The following SLC8A1 variants were observed in gnomAD, a reference collection of about 807,000 sequenced individuals.
The protein encoded by SLC8A1 is solute carrier family 8 member A1, also known as sodium/calcium exchanger 1.
A neutral mutation model predicts 68.3 loss-of-function variants in SLC8A1; 18 were observed. That is an observed-to-expected ratio of 0.26 (90% CI 0.18 to 0.39). The LOEUF (loss-of-function observed/expected upper bound fraction) is 0.39, where lower values mean the gene tolerates loss of function less well. Among genes scored for constraint, SLC8A1 ranks in the 10% least tolerant of loss-of-function variants. SLC8A1 has a pLI of 1.00. For synonymous variants in SLC8A1, 475 were observed against 415.5 expected (o/e 1.14, Z -1.74); for missense variants, 985 against 1,156.7 (o/e 0.85, Z 2.15).
intron 2 of SLC8A1, among the ~76,000 whole-genome samples, chr2:40,232,413 T>G (rs1456085820): frequency 4.1e-5 from 1 of 24,294 alleles, no homozygotes; most frequent in Non-Finnish European, 2.8e-4. Flanking sequence ...TTGTCTTCAG[T>G]TTTTTTTTCA....
At chr2:40,341,633 C>T (rs563505351) in intron 2 of SLC8A1, among the ~76,000 whole-genome samples, 1 of 152,306 alleles carries the variant, frequency 6.6e-6, no homozygotes, top group South Asian at 2.1e-4. Flanking sequence ...CTTAATTACC[C>T]TAAGCCTCAC....
chr2:40,377,720 C>T (rs1183654315), intron 2 of SLC8A1, among the ~76,000 whole-genome samples: 2 of 152,072 alleles, frequency 1.3e-5, no homozygotes, highest in Non-Finnish European at 2.9e-5. Flanking sequence ...TGAGTGGGAG[C>T]TGGAAGCACT....
intron 1 of SLC8A1, among the ~76,000 whole-genome samples, chr2:40,501,849 G>C (rs555972908): frequency 1.3e-5 from 2 of 152,168 alleles, no homozygotes; most frequent in Admixed American, 1.3e-4. Context: ...TGTGGATGCA[G>C]AGTGTCCCAG....
At chr2:40,119,701 T>C (rs1402429414) in intron 7 of SLC8A1, among the ~76,000 whole-genome samples, 1 of 152,226 alleles carries the variant, frequency 6.6e-6, no homozygotes, top group Non-Finnish European at 1.5e-5. Flanking sequence ...TGACACAAAA[T>C]ATGTTGATAA....
chr2:40,210,252 AG>A (rs2056338722), intron 2 of SLC8A1, among the ~76,000 whole-genome samples: 1 of 152,166 alleles, frequency 6.6e-6, no homozygotes, highest in African/African-American at 2.4e-5. Context: ...CTATAAGAGA[AG>A]GGTATGAAGA....
At chr2:40,246,454 A>G (rs989409239) in intron 2 of SLC8A1, among the ~76,000 whole-genome samples, 10 of 152,294 alleles carry the variant, frequency 6.6e-5, no homozygotes, top group African/African-American at 1.7e-4. Flanking sequence ...AGTCCTAAAG[A>G]CAGACTTTGT....
chr2:40,338,986 C>G (rs571612964), intron 2 of SLC8A1, among the ~76,000 whole-genome samples: 1 of 152,160 alleles, frequency 6.6e-6, no homozygotes, highest in Non-Finnish European at 1.5e-5. Flanking sequence ...CCCTGGAAAG[C>G]GAAGTGTTGG....
intron 2 of SLC8A1, among the ~76,000 whole-genome samples, chr2:40,299,630 T>C (rs1228189298): frequency 6.6e-6 from 1 of 152,180 alleles, no homozygotes; most frequent in Non-Finnish European, 1.5e-5. Flanking sequence ...TCCAGGAATC[T>C]GGGGACTGGG....
At chr2:40,103,299 T>C (rs1274715241) in exon 8 of SLC8A1, 3 of 152,190 alleles carry the variant, frequency 2.0e-5, no homozygotes, top group Admixed American at 6.5e-5. Flanking sequence ...GTTTCGTCTG[T>C]TGTGCAATTT....
chr2:40,292,093 G>A (rs964698130), intron 2 of SLC8A1, among the ~76,000 whole-genome samples: 1 of 152,076 alleles, frequency 6.6e-6, no homozygotes, highest in African/African-American at 2.4e-5. Flanking sequence ...ACCACATAAA[G>A]AGTATTACAA....
intron 2 of SLC8A1, among the ~76,000 whole-genome samples, chr2:40,417,870 T>TACACACACAC (rs70957174): frequency 0.011 from 1,601 of 147,248 alleles, 28 homozygotes; most frequent in African/African-American, 0.038. Flanking sequence ...CTTGGATGGA[T>TACACACACAC]ACACACACAC....
intron 1 of SLC8A1, among the ~76,000 whole-genome samples, chr2:40,492,741 A>G (rs1248721287): frequency 5.4e-5 from 8 of 149,490 alleles, no homozygotes; most frequent in Non-Finnish European, 1.2e-4. Flanking sequence ...AACACATGAA[A>G]AAATGCTCAC....
chr2:40,178,980 C>T (rs1033530562), intron 2 of SLC8A1, among the ~76,000 whole-genome samples: 1 of 151,828 alleles, frequency 6.6e-6, no homozygotes, highest in Non-Finnish European at 1.5e-5. Context: ...ATTATAGTTC[C>T]AAATATAGTA....
chr2:40,347,941 C>G (rs1669871440), intron 2 of SLC8A1, among the ~76,000 whole-genome samples: 1 of 152,166 alleles, frequency 6.6e-6, no homozygotes, highest in Non-Finnish European at 1.5e-5. Flanking sequence ...AGATGGCCCA[C>G]TTGAAATTAT....
At chr2:40,492,607 C>T (rs1705393557) in intron 1 of SLC8A1, among the ~76,000 whole-genome samples, 1 of 149,876 alleles carries the variant, frequency 6.7e-6, no homozygotes, top group Admixed American at 6.7e-5. Context: ...TGACAAAGGG[C>T]TAATATCCAG....
At chr2:40,200,814 TTACTCACAATA>T (rs1428756036) in intron 2 of SLC8A1, among the ~76,000 whole-genome samples, 2 of 151,924 alleles carry the variant, frequency 1.3e-5, no homozygotes, top group Non-Finnish European at 2.9e-5. Context: ...ATGCTTCTTA[TTACTCACAATA>T]TTCATTTTTA....
chr2:40,366,329 T>C (rs1676187005), intron 2 of SLC8A1, among the ~76,000 whole-genome samples: 1 of 152,096 alleles, frequency 6.6e-6, no homozygotes, highest in African/African-American at 2.4e-5. Context: ...ATAAGTGTTA[T>C]TGTGGTATAT....
chr2:40,351,502 G>A (rs1004802652), intron 2 of SLC8A1, among the ~76,000 whole-genome samples: 16 of 151,290 alleles, frequency 1.1e-4, no homozygotes, highest in Non-Finnish European at 1.8e-4. Flanking sequence ...CTGTGATGCC[G>A]CCAGTATTCT....
intron 1 of SLC8A1, among the ~76,000 whole-genome samples, chr2:40,480,397 G>A (rs1186736287): frequency 5.3e-5 from 8 of 152,100 alleles, no homozygotes; most frequent in Admixed American, 4.6e-4. Flanking sequence ...AAGTCCCAGA[G>A]AGACTCTCAC....
Sources: gnomAD v4.1 joint callset for allele counts (sites outside exome capture counted in the v4.1 genomes callset) on GRCh38, gnomAD v4.1.1 for gene constraint, MANE v1.5 for transcripts, NCBI Gene and HGNC (gene_info 2026-07-23, HGNC 2026-07-21) for gene names.